Variants in F5 observed in about 807,000 individuals in gnomAD.
F5 encodes the protein coagulation factor V.
F5 carries 138 observed loss-of-function variants against 216.4 expected under a neutral mutation model. The ratio of observed to expected loss-of-function variants is 0.64; its 90% CI spans 0.56 to 0.73. The LOEUF (loss-of-function observed/expected upper bound fraction) is 0.73. F5 is among the 30% of genes least tolerant of loss of function. The pLI is 0.00. For missense variants in F5, 2,403 were observed against 2,674.0 expected (o/e 0.90, Z 2.24); for synonymous variants, 916 against 930.7 (o/e 0.98, Z 0.29).
In F5 at chr1:169,584,531, T is replaced by C. The variant is rs565630174; in HGVS notation, c.158+1698A>G. 2.6e-5 allele frequency among the ~76,000 whole-genome samples: 4 copies of C among 152,368 alleles called. No individual in the cohort carries two copies. In the East Asian group the frequency reaches 7.7e-4, roughly 29 times the overall value. On this transcript the variant is annotated intron_variant, in intron 1 of 24. Transcript: ENST00000367797. The stretch of plus-strand genomic sequence containing the variant: ...TGGAGCAAGAATAATAGATACATTT[T>C]ACCTTTAAAAGGCATTGTCCTGCTA...
chr1:169,515,711 G>A (rs1238496793), intron 23 of F5, 85 bp from the exon 24 acceptor site: 1 of 1,367,974 alleles, frequency 7.3e-7, no homozygotes, highest in Non-Finnish European at 1.0e-6. Flanking sequence ...AAAAAGCACA[G>A]AGCTCAAAAG....
Position 169,514,076 on chromosome 1 carries a change from T to C in F5, c.*237A>G, listed in dbSNP as rs1659098198. 1.2e-5 allele frequency: 6 copies of C among 505,786 alleles called. No homozygotes were observed. The highest frequency in any genetic ancestry group is 1.0e-4 in the Admixed American group (3 of 28,690). 31.3% of individuals were successfully genotyped at this position (505,786 alleles called of 1,614,324 possible). A position where few individuals can be genotyped will look rare whatever the true frequency, so the allele number is the denominator to read the frequency against. Reference sequence around the variant, plus strand: ...AAAGATAAGCCCTTTTCTTGTTGGTTCTTGATATTTTCCTACCTGTATTCA... The same window carrying C: ...AAAGATAAGCCCTTTTCTTGTTGGTCCTTGATATTTTCCTACCTGTATTCA... On this transcript the variant is annotated 3_prime_UTR_variant, in exon 25 of 25. Coordinates refer to ENST00000367797, the MANE Select transcript of F5 (RefSeq NM_000130.5).
At chr1:169,569,181 G>C (rs1366845079) in intron 3 of F5, among the ~76,000 whole-genome samples, 2 of 151,980 alleles carry the variant, frequency 1.3e-5, no homozygotes, top group Non-Finnish European at 1.5e-5. Context: ...CAGATGAGAA[G>C]TGAAAAAATG....
At chr1:169,550,944 T>G (rs930735546) in intron 8 of F5, among the ~76,000 whole-genome samples, 1 of 152,062 alleles carries the variant, frequency 6.6e-6, no homozygotes, top group Non-Finnish European at 1.5e-5. Context: ...ACTCACACAT[T>G]AAGGTGGAAA....
chr1:169,534,213 C>T (rs1659653078), intron 14 of F5, among the ~76,000 whole-genome samples: 1 of 152,164 alleles, frequency 6.6e-6, no homozygotes, highest in African/African-American at 2.4e-5. Context: ...GAATTGCTCA[C>T]TCGGGGAGCT....
intron 3 of F5, among the ~76,000 whole-genome samples, chr1:169,564,176 G>A (rs1660547769): frequency 6.6e-6 from 1 of 152,030 alleles, no homozygotes; most frequent in Admixed American, 6.6e-5. Flanking sequence ...TACCGGCCCT[G>A]AGTAAGGTCC....
intron 10 of F5, among the ~76,000 whole-genome samples, chr1:169,548,216 G>C (rs1414448420): frequency 6.6e-6 from 1 of 152,050 alleles, no homozygotes; most frequent in African/African-American, 2.4e-5. Flanking sequence ...AAGAGGGAGA[G>C]GATCAGAAAA....
At chr1:169,553,480 G>A (rs532366146) in intron 7 of F5, among the ~76,000 whole-genome samples, 1 of 152,154 alleles carries the variant, frequency 6.6e-6, no homozygotes, top group African/African-American at 2.4e-5. Flanking sequence ...AGGCCGAGGC[G>A]GGCAAATCAC....
chr1:169,572,111 C>T lies in F5; in HGVS notation c.373+110G>A. The T allele has an allele frequency of 2.5e-6, 3 of 1,184,290 alleles. No individual in the cohort carries two copies. The South Asian group carries it at 4.3e-5, about 17-fold the overall frequency. 73.4% of individuals were successfully genotyped at this position (1,184,290 alleles called of 1,614,324 possible). A position where few individuals can be genotyped will look rare whatever the true frequency, so the allele number is the denominator to read the frequency against. On this transcript the variant is annotated intron_variant, in intron 3 of 24. Coordinates refer to ENST00000367797, the MANE Select transcript of F5 (RefSeq NM_000130.5). ...CAACAATTTTTATAATTACCAGTTGCAAGAGATTTCCCTAACAACACGTGG... is the reference window on the plus strand; with the variant it reads ...CAACAATTTTTATAATTACCAGTTGTAAGAGATTTCCCTAACAACACGTGG...
At chr1:169,520,291 A>G (rs978732236) in intron 22 of F5, among the ~76,000 whole-genome samples, 6 of 152,194 alleles carry the variant, frequency 3.9e-5, no homozygotes, top group Non-Finnish European at 5.9e-5. Flanking sequence ...ATGTGTCTAT[A>G]TAATCCAGGC....
At chr1:169,567,836 G>A (rs1168136034) in intron 3 of F5, among the ~76,000 whole-genome samples, 2 of 152,078 alleles carry the variant, frequency 1.3e-5, no homozygotes, top group Non-Finnish European at 2.9e-5. Flanking sequence ...TGCCCTAATT[G>A]TGATAGGTTT....
Position 169,542,190 on chromosome 1 carries a change from G to T in F5, c.2900C>A (p.Ala967Asp). The T allele has an allele frequency of 6.2e-7, 1 of 1,614,094 alleles. No homozygotes were observed. Among genetic ancestry groups the T allele is most frequent in the African/African-American group, 1.3e-5 (1 of 75,042 alleles). Residue 967 changes from alanine (A) to aspartate (D), a missense_variant, in exon 13 of 25, where the codon GCT (alanine) becomes GAT (aspartate). This residue lies in a region of F5 where 1,425 missense variants were observed against 1,554.8 expected (regional missense o/e 0.92). Transcript: ENST00000367797. ...EIIQDTDEDT[A>D]VNNWLISPQN... ...GGGGCTGATCAGCCAATTGTTAACA[G>T]CTGTGTCTTCATCAGTATCTTGGAT... is the stretch of plus-strand genomic sequence containing the variant.
Position 169,525,898 on chromosome 1 carries a change from T to C in F5, c.5716+3A>G. On this transcript the variant is annotated splice_donor_region_variant and intron_variant, in intron 18 of 24. Coordinates refer to ENST00000367797, the MANE Select transcript of F5 (RefSeq NM_000130.5). ...ACCAAATATCACATGGCTCTTGTGATACCTCTGTCCATGATAAGAAATGGC... is the reference window on the plus strand; with the variant it reads ...ACCAAATATCACATGGCTCTTGTGACACCTCTGTCCATGATAAGAAATGGC... 1.2e-6 allele frequency: 2 copies of C among 1,604,014 alleles called. No individual in the cohort carries two copies. The highest frequency in any genetic ancestry group is 1.7e-6 in the Non-Finnish European group (2 of 1,171,074).
Position 169,582,449 on chromosome 1 carries a change from G to A in F5, c.232C>T (p.Pro78Ser), listed in dbSNP as rs1257200126. Reference protein sequence around the residue: ...EYEPYFKKEKPQSTISGLLGP... With the variant: ...EYEPYFKKEKSQSTISGLLGP... ...GGCTTACCTGAAATGGTAGATTGTG[G>A]TTTTTCTTTCTTAAAATATGGTTCA... Residue 78 changes from proline (P) to serine (S), a missense_variant, in exon 2 of 25, where the codon CCA becomes TCA. By Grantham distance (74) the Pro-to-Ser change is moderately conservative. Transcript: ENST00000367797. 2 of 1,535,988 alleles carry A rather than the reference G, an allele frequency of 1.3e-6. No homozygotes were observed. The highest frequency in any genetic ancestry group is 1.8e-6 in the Non-Finnish European group (2 of 1,115,828).
In F5 at chr1:169,514,286, C is replaced by CA. The variant is rs1659104713; in HGVS notation, c.*26_*27insT. The stretch of plus-strand genomic sequence containing the variant: ...AATGGTTTGAGGTCTTAAAGAGTCT[C>CA]TTCCAGGGGTTTTTGAATGTTCAAT... On this transcript the variant is annotated 3_prime_UTR_variant, in exon 25 of 25. Coordinates refer to ENST00000367797, the MANE Select transcript of F5 (RefSeq NM_000130.5). The CA allele has an allele frequency of 1.9e-6, 3 of 1,611,990 alleles. No homozygotes were observed.
At position 169,542,300 on chromosome 1, in the gene F5, A is replaced by G; in HGVS notation, c.2790T>C (p.Asp930=). The G allele has an allele frequency of 2.5e-6, 4 of 1,614,142 alleles. No individual in the cohort carries two copies. The highest frequency in any genetic ancestry group is 3.4e-6 in the Non-Finnish European group (4 of 1,179,990). Residue 930 remains aspartate, a synonymous_variant, in exon 13 of 25, where the codon GAT becomes GAC. Coordinates refer to ENST00000367797, the MANE Select transcript of F5 (RefSeq NM_000130.5). The stretch of plus-strand genomic sequence containing the variant: ...AGTTACTTTGTTTTAAGAGTAACAG[A>G]TCACTAGGAGGGTCCTTCCAGGGCC... The part of the protein sequence containing the change: ...RMRPWKDPPS[D]LLLLKQSNSS...
At chr1:169,532,582 A>G (rs1019688499) in intron 14 of F5, among the ~76,000 whole-genome samples, 2 of 152,178 alleles carry the variant, frequency 1.3e-5, no homozygotes, top group Non-Finnish European at 2.9e-5. Context: ...TACATCAGTA[A>G]TGTTCAAACT....
chr1:169,570,723 C>T (rs1660703140), intron 3 of F5, among the ~76,000 whole-genome samples: 1 of 151,998 alleles, frequency 6.6e-6, no homozygotes, highest in East Asian at 1.9e-4. Flanking sequence ...TTTTCTGAAA[C>T]TAACAAGTTT....
intron 19 of F5, 74 bp from the exon 20 acceptor site, chr1:169,523,978 C>T (rs1659371156): frequency 1.6e-6 from 2 of 1,287,620 alleles, no homozygotes; most frequent in Non-Finnish European, 2.2e-6. Context: ...GAGTTTAATC[C>T]AGTGGAAAAC....
Sources: gnomAD v4.1 joint callset for allele counts (sites outside exome capture counted in the v4.1 genomes callset) on GRCh38, gnomAD v4.1.1 for gene constraint, gnomAD v4.1.1 regional missense constraint, MANE v1.5 for transcripts, NCBI Gene and HGNC (gene_info 2026-07-23, HGNC 2026-07-21) for gene names.